PKD1L1: variants seen among roughly 807,000 people sequenced by gnomAD.
PKD1L1 encodes polycystin 1 like 1, transient receptor potential channel interacting.
Under a neutral mutation model 323.4 loss-of-function variants are expected in PKD1L1, and 236 were observed. The observed-to-expected ratio is 0.73, with a 90% confidence interval of 0.66 to 0.81. The LOEUF is 0.81. Among genes scored for constraint, PKD1L1 ranks in the 40% least tolerant of loss-of-function variants. The pLI, the probability that PKD1L1 is intolerant of heterozygous loss-of-function variation, is 0.00. For missense variants in PKD1L1, 3,320 were observed against 3,508.0 expected (o/e 0.95, Z 1.35); for synonymous variants, 1,344 against 1,335.0 (o/e 1.01, Z -0.15).
At position 47,946,097 on chromosome 7, in the gene PKD1L1, C is replaced by A. The variant is rs149674763; in HGVS notation, c.44+2300G>T. 4.7e-3 allele frequency among the ~76,000 whole-genome samples: 714 copies of A among 152,244 alleles called. 5 individuals carry two copies. Among genetic ancestry groups the A allele is most frequent in the Non-Finnish European group, 7.4e-3 (504 of 68,016 alleles). ...TGTTGTGAGGAGGCAGGTCCCCAGG[C>A]CCTGGCACAGAATCAGCACCATTTT... On this transcript the variant is annotated intron_variant, in intron 1 of 56. Coordinates refer to ENST00000289672, the MANE Select transcript of PKD1L1 (RefSeq NM_138295.5). This position sits in a 1 kb window ranked among gnomAD's most constrained non-coding sequence, Gnocchi z 4.1.
chr7:47,824,690 T>G (rs574424753), intron 45 of PKD1L1, among the ~76,000 whole-genome samples: 2 of 152,296 alleles, frequency 1.3e-5, no homozygotes, highest in East Asian at 3.9e-4. Flanking sequence ...CTTGTCCCCT[T>G]TCATTAAGCA....
At chr7:47,929,085 G>T in intron 7 of PKD1L1, 119 bp downstream of exon 7, 1 of 1,043,066 alleles carries the variant, frequency 9.6e-7, no homozygotes, top group Non-Finnish European at 1.4e-6. Context: ...GAGCCAGGAA[G>T]GTTGGCTGAG....
In PKD1L1 at chr7:47,847,042, C is replaced by A; in HGVS notation, c.4990G>T (p.Asp1664Tyr). 6.2e-7 allele frequency: 1 copy of A among 1,604,642 alleles called. No homozygotes were observed. The highest frequency in any genetic ancestry group is 1.1e-5 in the South Asian group (1 of 88,496). The change falls in exon 32 of 57, where the codon GAT becomes TAT. Residue 1664 changes from aspartate to tyrosine, a missense_variant. Coordinates refer to ENST00000289672, the MANE Select transcript of PKD1L1 (RefSeq NM_138295.5). ...GGAGGTTTTCTGTCATAGTCAGCAT[C>A]CAATAAGGATAAATAGCCTACACTG... Reference protein sequence around the residue: ...DASVGYLSLLDADYDRKPPNR... With the variant: ...DASVGYLSLLYADYDRKPPNR...
At chr7:47,931,561 T>C (rs1187524884) in intron 5 of PKD1L1, among the ~76,000 whole-genome samples, 1 of 152,248 alleles carries the variant, frequency 6.6e-6, no homozygotes, top group East Asian at 1.9e-4. Flanking sequence ...GCTAGAACTA[T>C]GAGGCATGTT....
intron 20 of PKD1L1, among the ~76,000 whole-genome samples, chr7:47,881,295 G>A (rs1198493898): frequency 6.6e-6 from 1 of 152,068 alleles, no homozygotes; most frequent in Non-Finnish European, 1.5e-5. Flanking sequence ...CTGAAAAAAG[G>A]AGAGATCGGA....
chr7:47,925,868 T>A (rs1178222689), intron 7 of PKD1L1, among the ~76,000 whole-genome samples: 1 of 152,096 alleles, frequency 6.6e-6, no homozygotes, highest in African/African-American at 2.4e-5. Flanking sequence ...TATATACCAA[T>A]GACAACCAGT....
rs545327870 is a variant in PKD1L1, at chr7:47,866,030, G to A, written c.4092+389C>T. Reference sequence around the variant, plus strand: ...CTCTATTGACAGTTATAAGATAGCAGTTGCATAAATGCTGTGAGCAAGTAC... The same window carrying A: ...CTCTATTGACAGTTATAAGATAGCAATTGCATAAATGCTGTGAGCAAGTAC... On this transcript the variant is annotated intron_variant, in intron 25 of 56. Coordinates refer to ENST00000289672, the MANE Select transcript of PKD1L1 (RefSeq NM_138295.5). Among the ~76,000 whole-genome samples the A allele has an allele frequency of 3.3e-5, 5 of 152,316 alleles. No homozygotes were observed. In the East Asian group the frequency reaches 9.6e-4, roughly 29 times the overall value.
In PKD1L1 at chr7:47,836,980, A is replaced by G; in HGVS notation, c.5884T>C (p.Ser1962Pro). ...AGACACGCGTAGACGCACAGCAGGG[A>G]GAAGGACACGGTGAGGCGCGGCGTG... ...LHTPRLTVSF[S>P]LLCVYACLTA... Residue 1962 changes from serine to proline, a missense_variant, in exon 37 of 57, where the codon TCC becomes CCC. Coordinates refer to ENST00000289672, the MANE Select transcript of PKD1L1 (RefSeq NM_138295.5). 2 of 1,614,216 alleles carry G rather than the reference A, an allele frequency of 1.2e-6. No homozygotes were observed. The highest frequency in any genetic ancestry group is 1.7e-6 in the Non-Finnish European group (2 of 1,180,030).
chr7:47,800,822 T>C lies in PKD1L1; in HGVS notation c.8020A>G (p.Met2674Val), dbSNP rs749727045. The change falls in exon 54 of 57, where the codon ATG (methionine) becomes GTG (valine). Residue 2674 changes from methionine to valine, a missense_variant. Transcript: ENST00000289672. ...AAGGTGCCAGGTGGTAGAACCCACA[T>C]AGAGAGCAGAAATCGGTGCAGGTGG... ...LSHLHRFLLS[M>V]WVLPPGTFTD... 2.9e-5 allele frequency: 47 copies of C among 1,613,816 alleles called. No individual in the cohort carries two copies. The South Asian group carries it at 4.9e-4, about 17-fold the overall frequency.
intron 3 of PKD1L1, among the ~76,000 whole-genome samples, chr7:47,937,244 G>A (rs1467886819): frequency 3.4e-5 from 4 of 117,876 alleles, no homozygotes; most frequent in African/African-American, 6.4e-5. Context: ...GTGCGGGGTC[G>A]GGACGGGGTG....
chr7:47,937,259 T>TGGGGGGGGGGGGGGGGGGGGGGGGGGGGG (rs10610147), intron 3 of PKD1L1, among the ~76,000 whole-genome samples: 3 of 73,088 alleles, frequency 4.1e-5, no homozygotes, highest in African/African-American at 5.7e-5. Context: ...GGGGTGGGGG[T>TGGGGGGGGGGGGGGGGGGGGGGGGGGGGG]GGGGGGGGGG....
chr7:47,922,085 G>C (rs1583675586), intron 7 of PKD1L1, among the ~76,000 whole-genome samples: 1 of 152,178 alleles, frequency 6.6e-6, no homozygotes, highest in African/African-American at 2.4e-5. Flanking sequence ...ACTGGTTTTC[G>C]TATTTTTTGG....
rs553894839 is a variant in PKD1L1, at chr7:47,796,917, G to A, written c.8194-767C>T. Among the ~76,000 whole-genome samples the A allele has an allele frequency of 9.6e-4, 145 of 151,016 alleles. 1 individual carries two copies. Among genetic ancestry groups the A allele is most frequent in the African/African-American group, 3.2e-3 (131 of 41,044 alleles). ...CGGGAGGCTGAGGCAGAAGAATGGC[G>A]TGAATCCGGGAGGCGGAGCTTGCAG... On this transcript the variant is annotated intron_variant, in intron 54 of 56. Transcript: ENST00000289672.
At chr7:47,802,470 G>A (rs761142726) in intron 53 of PKD1L1, among the ~76,000 whole-genome samples, 18 of 152,190 alleles carry the variant, frequency 1.2e-4, no homozygotes, top group Non-Finnish European at 2.4e-4. Context: ...TTCCTCCAGT[G>A]TAAGGTGAAT....
intron 51 of PKD1L1, chr7:47,808,987 A>AT (rs1350627692): frequency 9.3e-6 from 1 of 107,348 alleles, no homozygotes; most frequent in African/African-American, 3.7e-5. Flanking sequence ...AAATCTTTTA[A>AT]TTTTTTTAAA....
chr7:47,866,858 T>C (rs962996547), intron 24 of PKD1L1, among the ~76,000 whole-genome samples: 2 of 152,134 alleles, frequency 1.3e-5, no homozygotes, highest in Non-Finnish European at 2.9e-5. Flanking sequence ...AGAAACCAGA[T>C]ACTAATATAG....
At chr7:47,950,950 C>T (rs1788195826), upstream of PKD1L1, among the ~76,000 whole-genome samples, 2 of 152,164 alleles carry the variant, frequency 1.3e-5, no homozygotes, top group Admixed American at 6.5e-5. Flanking sequence ...TACTCCTCCA[C>T]CTGGGGTTTG....
intron 22 of PKD1L1, 60 bp downstream of exon 22, chr7:47,877,429 G>A (rs1786431946): frequency 1.3e-6 from 2 of 1,597,862 alleles, no homozygotes; most frequent in Non-Finnish European, 1.7e-6. Context: ...CGTGACTGCT[G>A]TGACTGCCAG....
At chr7:47,944,139 T>C (rs1788051560) in intron 1 of PKD1L1, among the ~76,000 whole-genome samples, 1 of 152,200 alleles carries the variant, frequency 6.6e-6, no homozygotes, top group African/African-American at 2.4e-5. Flanking sequence ...TGTTGAATTG[T>C]AATCCCCAGT....
Sources: allele counts gnomAD v4.1 joint callset (sites outside exome capture counted in the v4.1 genomes callset), GRCh38; gene constraint gnomAD v4.1.1; non-coding constraint Gnocchi (gnomAD v3.1); transcripts MANE v1.5; gene names NCBI Gene and HGNC (gene_info 2026-07-23, HGNC 2026-07-21).